Variants in SLC6A15 observed in about 807,000 individuals in gnomAD.
SLC6A15 encodes sodium-dependent neutral amino acid transporter B(0)AT2.
A neutral mutation model predicts 68.5 loss-of-function variants in SLC6A15; 33 were observed. The observed-to-expected ratio is 0.48, with a 90% CI of 0.37 to 0.64. The LOEUF (loss-of-function observed/expected upper bound fraction) is 0.64. Among genes scored for constraint, SLC6A15 ranks in the 30% least tolerant of loss-of-function variants. The probability of loss-of-function intolerance (pLI) is 0.00; values close to 1 mark genes in which losing one functional copy is unlikely to be tolerated. For synonymous variants in SLC6A15, 347 were observed against 301.0 expected, an observed-to-expected ratio of 1.15 and a Z score of -1.58; for missense variants, 747 against 874.3, an observed-to-expected ratio of 0.85 and a Z score of 1.84.
intron 1 of SLC6A15, among the ~76,000 whole-genome samples, chr12:84,903,808 T>C (rs564198700): frequency 1.3e-5 from 2 of 152,166 alleles, no homozygotes; most frequent in Non-Finnish European, 2.9e-5. Context: ...GCAAAGACTT[T>C]TCTTCCAAAT....
chr12:84,880,791 G>A (rs1592600918), intron 5 of SLC6A15: 4 of 521,606 alleles, frequency 7.7e-6, no homozygotes, highest in East Asian at 1.5e-4. Context: ...TCAAAAGATT[G>A]TATAAAACAT....
rs67339994 is a variant in SLC6A15 at position 84,895,339 on chromosome 12, A to ATTTTTTTTTTTTTTT, written c.-188-3046_-188-3032dup. 8.6e-4 allele frequency among the ~76,000 whole-genome samples: 47 copies of ATTTTTTTTTTTTTTT among 54,784 alleles called. 6 individuals are homozygous for ATTTTTTTTTTTTTTT. The highest frequency in any genetic ancestry group is 2.4e-3 in the African/African-American group (35 of 14,842). The allele number at this position is 54,784 out of a possible 152,430, so 35.9% of individuals were successfully genotyped here. A position where few individuals can be genotyped will look rare whatever the true frequency, so the allele number is the denominator to read the frequency against. On this transcript the variant is annotated intron_variant, in intron 1 of 11. Coordinates refer to ENST00000266682, the MANE Select transcript of SLC6A15 (RefSeq NM_182767.6). ...CTTAGATGTTTTCATTTTTGTTTGTATTTTTTTTTTTTTTTTTTTTTTTTT... is the reference window on the plus strand; with the variant it reads ...CTTAGATGTTTTCATTTTTGTTTGTATTTTTTTTTTTTTTTTTTTTTTTTTTTTTTTTTTTTTTTT...
chr12:84,863,561 T>A lies in SLC6A15; in HGVS notation c.1696A>T (p.Ser566Cys). The part of the protein sequence containing the change: ...DLKDMLGFAP[S>C]RYYYYMWKYI... ...TTCCACATATAGTAGTAATATCTGC[T>A]GGGAGCAAAGCCCAGCATATCTTTT... Residue 566 changes from serine to cysteine, a missense_variant, in exon 11 of 12, where the codon AGC (serine) becomes TGC (cysteine). Ser to Cys is a moderately radical substitution (Grantham distance 112). Transcript: ENST00000266682. 1 of 1,584,932 alleles carries A rather than the reference T, an allele frequency of 6.3e-7. No homozygotes were observed. The highest frequency in any genetic ancestry group is 8.5e-7 in the Non-Finnish European group (1 of 1,170,514).
intron 1 of SLC6A15, among the ~76,000 whole-genome samples, chr12:84,898,631 T>C (rs1872728314): frequency 6.6e-6 from 1 of 152,204 alleles, no homozygotes; most frequent in Non-Finnish European, 1.5e-5. Flanking sequence ...AATAATATAC[T>C]TATCTACTGA....
chr12:84,863,706 T>C, intron 10 of SLC6A15, 105 bp from the exon 11 acceptor site: 9 of 743,622 alleles, frequency 1.2e-5, no homozygotes, highest in Non-Finnish European at 1.8e-5. Context: ...ATTGATACCC[T>C]ATGACATTTT....
chr12:84,886,549 A>G (rs1872111159), intron 2 of SLC6A15, among the ~76,000 whole-genome samples: 1 of 151,860 alleles, frequency 6.6e-6, no homozygotes, highest in African/African-American at 2.4e-5. Flanking sequence ...TCCAAATAAA[A>G]TAACATCATG....
At chr12:84,888,992 ATCT>A (rs748230425) in intron 2 of SLC6A15, among the ~76,000 whole-genome samples, 5 of 152,172 alleles carry the variant, frequency 3.3e-5, no homozygotes, top group African/African-American at 4.8e-5. Context: ...TAGAAAGGTC[ATCT>A]TCTCCCTTCT....
chr12:84,874,097 G>C (rs1250688480), intron 6 of SLC6A15, among the ~76,000 whole-genome samples: 8 of 152,124 alleles, frequency 5.3e-5, no homozygotes, highest in Admixed American at 5.2e-4. Flanking sequence ...TAATAATAGC[G>C]TTTAAATTGG....
intron 1 of SLC6A15, among the ~76,000 whole-genome samples, chr12:84,898,638 C>A (rs1455762986): frequency 1.3e-5 from 2 of 152,298 alleles, no homozygotes; most frequent in East Asian, 3.9e-4. Context: ...TACTTATCTA[C>A]TGATAAAGTA....
chr12:84,861,839 G>C lies in SLC6A15; in HGVS notation c.1986C>G (p.Val662=). The change falls in exon 12 of 12, where the codon GTC becomes GTG. Residue 662 remains valine, a synonymous_variant. Transcript: ENST00000266682. ...CCTCTAAGTTCACAGGCTCTTTCAG[G>C]ACCCTTCCTCTCTTATAGGTCACAG... ...LASVTYKRGR[V]LKEPVNLEGD... The C allele has an allele frequency of 6.2e-7, 1 of 1,613,854 alleles. No individual in the cohort carries two copies. Among genetic ancestry groups the C allele is most frequent in the Non-Finnish European group, 8.5e-7 (1 of 1,179,910 alleles).
intron 1 of SLC6A15, among the ~76,000 whole-genome samples, chr12:84,902,898 G>A (rs534392366): frequency 1.3e-5 from 2 of 152,174 alleles, no homozygotes; most frequent in Admixed American, 6.6e-5. Context: ...GAATCATATG[G>A]TAAGGCACAC....
rs906293841 is a variant in SLC6A15 at position 84,860,196 on chromosome 12, G to A, written c.*1436C>T. On this transcript the variant is annotated 3_prime_UTR_variant, in exon 12 of 12. Transcript: ENST00000266682. ...TGAAATAAATCAATTGATATGGCAT[G>A]TGTATTACCTCACTTATTTTGCTGC... 5.9e-5 allele frequency: 9 copies of A among 152,066 alleles called. No individual in the cohort carries two copies. The highest frequency in any genetic ancestry group is 1.0e-4 in the Non-Finnish European group (7 of 67,952). 9.4% of individuals were successfully genotyped at this position (152,066 alleles called of 1,614,324 possible). A position where few individuals can be genotyped will look rare whatever the true frequency, so the allele number is the denominator to read the frequency against.
chr12:84,899,203 T>C (rs75834292), intron 1 of SLC6A15, among the ~76,000 whole-genome samples: 6,275 of 152,298 alleles, frequency 0.041, 405 homozygotes, highest in African/African-American at 0.14. Flanking sequence ...CATTGGCTAA[T>C]GCCTCATTGA....
chr12:84,872,553 A>C (rs778884647), intron 8 of SLC6A15, 49 bp downstream of exon 8: 1 of 1,512,496 alleles, frequency 6.6e-7, no homozygotes. Context: ...GATAATGCAT[A>C]TTTCAAGTGA....
At chr12:84,879,400 A>T (rs1871717409) in intron 5 of SLC6A15, among the ~76,000 whole-genome samples, 1 of 151,610 alleles carries the variant, frequency 6.6e-6, no homozygotes, top group African/African-American at 2.4e-5. Flanking sequence ...ATCTCGGCTC[A>T]CTGCAACCAC....
At chr12:84,874,157 A>C (rs1184892515) in intron 6 of SLC6A15, among the ~76,000 whole-genome samples, 1 of 152,214 alleles carries the variant, frequency 6.6e-6, no homozygotes, top group Non-Finnish European at 1.5e-5. Flanking sequence ...ATTGAGAGCA[A>C]TGTCAAACAT....
chr12:84,882,153 G>C, intron 5 of SLC6A15: 1 of 985,380 alleles, frequency 1.0e-6, no homozygotes, highest in Non-Finnish European at 1.2e-6. Context: ...GTGGTAGTAA[G>C]AGAACCTGAG....
intron 8 of SLC6A15, among the ~76,000 whole-genome samples, chr12:84,870,966 A>G (rs533322999): frequency 6.6e-6 from 1 of 152,204 alleles, no homozygotes; most frequent in South Asian, 2.1e-4. Context: ...AACTATATTA[A>G]AGAATACATA....
chr12:84,883,508 T>G, intron 5 of SLC6A15: 2 of 1,269,386 alleles, frequency 1.6e-6, no homozygotes, highest in Non-Finnish European at 2.0e-6. Context: ...TTTTACCACT[T>G]TCCCCAATTT....
Sources: allele counts gnomAD v4.1 joint callset (sites outside exome capture counted in the v4.1 genomes callset), GRCh38; gene constraint gnomAD v4.1.1; transcripts MANE v1.5; gene names NCBI Gene and HGNC (gene_info 2026-07-23, HGNC 2026-07-21).